Variants in UNC13B observed in about 807,000 individuals in gnomAD.
UNC13B encodes the protein unc-13 homolog B, also known as protein unc-13 homolog B.
In UNC13B, 144 loss-of-function variants were observed where a neutral mutation model predicts 211.0. The observed-to-expected ratio is 0.68, with a 90% CI of 0.60 to 0.78. UNC13B has a LOEUF of 0.78. Among genes scored for constraint, UNC13B ranks in the 30% least tolerant of loss-of-function variants. The pLI is 0.00. For synonymous variants in UNC13B, 709 were observed against 725.8 expected (o/e 0.98, Z 0.37); for missense variants, 1,777 against 2,002.0 (o/e 0.89, Z 2.14).
At chr9:35,241,371 C>T (rs1825796842) in intron 5 of UNC13B, among the ~76,000 whole-genome samples, 1 of 152,092 alleles carries the variant, frequency 6.6e-6, no homozygotes, top group African/African-American at 2.4e-5. Flanking sequence ...CTGCAATAAA[C>T]ATGCTTGTAT....
chr9:35,344,975 G>A (rs888944637), intron 11 of UNC13B, among the ~76,000 whole-genome samples: 1 of 152,174 alleles, frequency 6.6e-6, no homozygotes, highest in Non-Finnish European at 1.5e-5. Flanking sequence ...CAAAGTCCCT[G>A]CTCATGTTTT....
intron 37 of UNC13B, chr9:35,402,013 T>C (rs1450564137): frequency 6.5e-7 from 1 of 1,550,226 alleles, no homozygotes; most frequent in African/African-American, 1.4e-5. Flanking sequence ...AAAGGGTATG[T>C]TGTACACCGT....
chr9:35,163,360 A>G (rs1247373937), intron 1 of UNC13B, among the ~76,000 whole-genome samples: 1 of 152,202 alleles, frequency 6.6e-6, no homozygotes, highest in African/African-American at 2.4e-5. Context: ...TGTTTCCCCC[A>G]GCTACTGGCA....
intron 7 of UNC13B, among the ~76,000 whole-genome samples, chr9:35,284,828 C>G (rs529257994): frequency 6.6e-5 from 10 of 152,320 alleles, no homozygotes; most frequent in African/African-American, 1.9e-4. Context: ...ATTGCCTAGA[C>G]AGATGGCTGT....
chr9:35,192,933 G>A (rs557623480), intron 1 of UNC13B, among the ~76,000 whole-genome samples: 30 of 152,206 alleles, frequency 2.0e-4, no homozygotes, highest in Non-Finnish European at 1.8e-4. Context: ...CAGTGGGGAC[G>A]TCCCTCCTGC....
intron 17 of UNC13B, 100 bp from the exon 18 acceptor site, chr9:35,380,370 C>T: frequency 7.6e-7 from 1 of 1,319,250 alleles, no homozygotes; most frequent in Non-Finnish European, 1.0e-6. Flanking sequence ...CTTTCAGGGC[C>T]TCAAGTGCAG....
intron 12 of UNC13B, among the ~76,000 whole-genome samples, chr9:35,369,904 G>T (rs1436878047): frequency 6.6e-6 from 1 of 152,176 alleles, no homozygotes; most frequent in Non-Finnish European, 1.5e-5. Context: ...GAGCCACCCT[G>T]TGGGTTCTGT....
At chr9:35,185,002 C>T (rs1293850910) in intron 1 of UNC13B, among the ~76,000 whole-genome samples, 1 of 152,062 alleles carries the variant, frequency 6.6e-6, no homozygotes, top group East Asian at 1.9e-4. Flanking sequence ...ATGAGATATT[C>T]ATTCGTATGG....
intron 6 of UNC13B, among the ~76,000 whole-genome samples, chr9:35,256,584 G>C (rs1826891424): frequency 6.6e-6 from 1 of 152,038 alleles, no homozygotes; most frequent in Non-Finnish European, 1.5e-5. Context: ...GCATCTGTTT[G>C]ATCACATAGT....
intron 6 of UNC13B, among the ~76,000 whole-genome samples, chr9:35,250,286 G>C (rs935040095): frequency 6.5e-4 from 99 of 152,070 alleles, no homozygotes; most frequent in Non-Finnish European, 1.0e-4. Context: ...TATTTTCATT[G>C]CCCCGTAAAG....
At chr9:35,185,003 A>G (rs1428779446) in intron 1 of UNC13B, among the ~76,000 whole-genome samples, 1 of 152,208 alleles carries the variant, frequency 6.6e-6, no homozygotes, top group Admixed American at 6.5e-5. Flanking sequence ...TGAGATATTC[A>G]TTCGTATGGG....
chr9:35,171,435 T>TCTGTTGCC (rs1821326896), intron 1 of UNC13B, among the ~76,000 whole-genome samples: 4 of 152,158 alleles, frequency 2.6e-5, no homozygotes, highest in Admixed American at 2.6e-4. Flanking sequence ...GAAGTCTCAC[T>TCTGTTGCC]CTGTTGCCCA....
chr9:35,203,163 G>T (rs201150916), intron 1 of UNC13B, among the ~76,000 whole-genome samples: 1 of 152,090 alleles, frequency 6.6e-6, no homozygotes, highest in East Asian at 1.9e-4. Context: ...TACATTTAAG[G>T]TTAATATTGT....
intron 7 of UNC13B, chr9:35,291,156 A>G: frequency 6.6e-7 from 1 of 1,506,944 alleles, no homozygotes; most frequent in Non-Finnish European, 9.0e-7. Flanking sequence ...CCCACAAAGT[A>G]CATACTCCCT....
chr9:35,351,877 C>A, intron 11 of UNC13B: 1 of 1,232,270 alleles, frequency 8.1e-7, no homozygotes, highest in Non-Finnish European at 1.0e-6. Context: ...CAGAGAGGAA[C>A]CAAACCAAGA....
intron 11 of UNC13B, among the ~76,000 whole-genome samples, chr9:35,342,805 C>A (rs1832088669): frequency 6.6e-6 from 1 of 152,204 alleles, no homozygotes. Flanking sequence ...TCCATCCCTT[C>A]ATCTCCTATG....
intron 28 of UNC13B, 94 bp from the exon 29 acceptor site, chr9:35,397,073 T>C (rs1835932217): frequency 6.2e-7 from 1 of 1,601,164 alleles, no homozygotes. Context: ...TGAGGGCCAT[T>C]AGCCACTCTT....
chr9:35,352,890 G>A, intron 11 of UNC13B: 3 of 1,232,180 alleles, frequency 2.4e-6, no homozygotes, highest in Non-Finnish European at 3.0e-6. Flanking sequence ...CATGAAGCAT[G>A]TAAAGTAGGA....
chr9:35,366,923 C>T (rs780580043), intron 11 of UNC13B, 24 bp from the exon 12 acceptor site: 6 of 1,609,334 alleles, frequency 3.7e-6, no homozygotes, highest in Admixed American at 1.7e-5. Flanking sequence ...CAGGATCTAA[C>T]TTGTTTCCTA....
Sources: allele counts gnomAD v4.1 joint callset (sites outside exome capture counted in the v4.1 genomes callset), GRCh38; gene constraint gnomAD v4.1.1; transcripts MANE v1.5; gene names NCBI Gene and HGNC (gene_info 2026-07-23, HGNC 2026-07-21).